The following DPYD variants were observed in gnomAD, a reference collection of about 807,000 sequenced individuals.
DPYD encodes dihydropyrimidine dehydrogenase, also known as dihydropyrimidine dehydrogenase [NADP(+)].
In DPYD, 109 loss-of-function variants were observed where a neutral mutation model predicts 116.2. The observed-to-expected ratio is 0.94, with a 90% CI of 0.80 to 1.10. The LOEUF (loss-of-function observed/expected upper bound fraction) is 1.10. DPYD is among the 50% of genes least tolerant of loss of function. The pLI is 0.00. For synonymous variants in DPYD, 440 were observed against 432.0 expected, an observed-to-expected ratio of 1.02 and a Z score of -0.23; for missense variants, 1,302 against 1,254.5, an observed-to-expected ratio of 1.04 and a Z score of -0.57.
intron 1 of DPYD, among the ~76,000 whole-genome samples, chr1:97,891,155 T>G (rs1672752699): frequency 6.6e-6 from 1 of 151,880 alleles, no homozygotes; most frequent in South Asian, 2.1e-4. Flanking sequence ...TAAAAGTCAA[T>G]ATCATCAATA....
At chr1:97,473,782 G>A (rs938411564) in intron 13 of DPYD, among the ~76,000 whole-genome samples, 35 of 152,206 alleles carry the variant, frequency 2.3e-4, no homozygotes, top group African/African-American at 7.9e-4. Context: ...CAGGGTGGGC[G>A]GATTGCTTGA....
intron 18 of DPYD, among the ~76,000 whole-genome samples, chr1:97,239,737 T>C (rs1662198761): frequency 1.3e-5 from 2 of 152,092 alleles, no homozygotes; most frequent in South Asian, 4.1e-4. Flanking sequence ...GGGCCAACTG[T>C]TGAGGTTCAA....
intron 10 of DPYD, among the ~76,000 whole-genome samples, chr1:97,587,748 C>T (rs375078860): frequency 2.0e-5 from 3 of 148,848 alleles, no homozygotes; most frequent in East Asian, 2.0e-4. Flanking sequence ...GGCGTGAACC[C>T]GGGAGGCAGA....
At chr1:97,469,294 G>A (rs992843612) in intron 13 of DPYD, among the ~76,000 whole-genome samples, 2 of 148,444 alleles carry the variant, frequency 1.3e-5, no homozygotes, top group African/African-American at 5.0e-5. Context: ...AAAACCTCAT[G>A]GCTCTGATAA....
intron 3 of DPYD, among the ~76,000 whole-genome samples, chr1:97,780,730 T>C (rs1181561386): frequency 6.6e-6 from 1 of 152,174 alleles, no homozygotes; most frequent in Admixed American, 6.5e-5. Flanking sequence ...GATGGAAACA[T>C]GCAACTTGTC....
chr1:97,348,660 T>C (rs1171379606), intron 16 of DPYD, among the ~76,000 whole-genome samples: 1 of 152,114 alleles, frequency 6.6e-6, no homozygotes, highest in Non-Finnish European at 1.5e-5. Context: ...GCCTACAATT[T>C]CTGTCCTTTT....
chr1:97,819,399 T>G (rs1313333424), intron 3 of DPYD, among the ~76,000 whole-genome samples: 1 of 151,944 alleles, frequency 6.6e-6, no homozygotes, highest in Non-Finnish European at 1.5e-5. Flanking sequence ...GTAGTTAAAA[T>G]ATACCCTTAT....
At chr1:97,761,044 G>C (rs1009898844) in intron 3 of DPYD, among the ~76,000 whole-genome samples, 2 of 151,914 alleles carry the variant, frequency 1.3e-5, no homozygotes, top group Non-Finnish European at 2.9e-5. Flanking sequence ...CACCCCTCGT[G>C]TGGTTTCCAT....
intron 3 of DPYD, among the ~76,000 whole-genome samples, chr1:97,753,718 A>G (rs1381071228): frequency 6.6e-6 from 1 of 152,176 alleles, no homozygotes; most frequent in East Asian, 1.9e-4. Flanking sequence ...AATTACCTAT[A>G]GAAATCAGTA....
At chr1:97,711,197 C>G (rs1315514716) in intron 5 of DPYD, among the ~76,000 whole-genome samples, 2 of 151,712 alleles carry the variant, frequency 1.3e-5, no homozygotes, top group Non-Finnish European at 3.0e-5. Context: ...TATGACTAAA[C>G]AAAGGTTATA....
intron 2 of DPYD, among the ~76,000 whole-genome samples, chr1:97,861,908 C>A (rs1351841753): frequency 3.3e-5 from 5 of 151,942 alleles, no homozygotes; most frequent in Non-Finnish European, 5.9e-5. Flanking sequence ...ACCCCCTACA[C>A]TCTAAAGACT....
chr1:97,852,972 C>T (rs543446945), intron 2 of DPYD, among the ~76,000 whole-genome samples: 1 of 152,132 alleles, frequency 6.6e-6, no homozygotes, highest in African/African-American at 2.4e-5. Flanking sequence ...TATCCAAACC[C>T]CTTTGTATCA....
At chr1:97,665,707 C>A (rs1282698506) in intron 8 of DPYD, among the ~76,000 whole-genome samples, 4 of 152,236 alleles carry the variant, frequency 2.6e-5, no homozygotes, top group Middle Eastern at 3.4e-3. Context: ...ATCAGTAATA[C>A]TTTTCCTATG....
intron 18 of DPYD, among the ~76,000 whole-genome samples, chr1:97,262,809 G>C (rs1663976501): frequency 1.3e-5 from 2 of 152,030 alleles, no homozygotes; most frequent in Non-Finnish European, 2.9e-5. Flanking sequence ...CATGCTGGGA[G>C]AGAAAACAAT....
chr1:97,129,738 A>G (rs1653131948), intron 20 of DPYD, among the ~76,000 whole-genome samples: 1 of 152,180 alleles, frequency 6.6e-6, no homozygotes, highest in African/African-American at 2.4e-5. Context: ...TATTTCTTTT[A>G]GAAAGTCTAC....
intron 14 of DPYD, among the ~76,000 whole-genome samples, chr1:97,431,753 ATTG>A (rs1239392097): frequency 2.0e-5 from 3 of 152,098 alleles, no homozygotes; most frequent in African/African-American, 7.2e-5. Flanking sequence ...GCAATTAATT[ATTG>A]TTAACTATAT....
chr1:97,097,225 T>G (rs1297955330), intron 21 of DPYD, among the ~76,000 whole-genome samples: 5 of 152,222 alleles, frequency 3.3e-5, no homozygotes, highest in Non-Finnish European at 5.9e-5. Flanking sequence ...GCTGGCACGC[T>G]TTGTGGTCAG....
Position 97,162,339 on chromosome 1 carries a change from GACAA to G in DPYD, c.2622+30726_2622+30729del, listed in dbSNP as rs535354354. ...GATGCATTCTTATACACCAATAACAGACAAACAGAGAGCCAAATCATGAGTGAAC... is the reference window on the plus strand; with the variant it reads ...GATGCATTCTTATACACCAATAACAGACAGAGAGCCAAATCATGAGTGAAC... On this transcript the variant is annotated intron_variant, in intron 20 of 22. Transcript: ENST00000370192. Among the ~76,000 whole-genome samples, 8 of 152,146 alleles carry G rather than the reference GACAA, an allele frequency of 5.3e-5. No individual in the cohort carries two copies. In the East Asian group the frequency reaches 1.5e-3, roughly 29 times the overall value.
intron 18 of DPYD, among the ~76,000 whole-genome samples, chr1:97,288,846 C>T (rs1558002162): frequency 6.6e-6 from 1 of 151,840 alleles, no homozygotes; most frequent in Non-Finnish European, 1.5e-5. Flanking sequence ...CAGAGCACAA[C>T]TGAAGGAAAT....
Sources: gnomAD v4.1 joint callset for allele counts (sites outside exome capture counted in the v4.1 genomes callset) on GRCh38, gnomAD v4.1.1 for gene constraint, MANE v1.5 for transcripts, NCBI Gene and HGNC (gene_info 2026-07-23, HGNC 2026-07-21) for gene names.